ARHGEF7: variants seen among roughly 807,000 people sequenced by gnomAD.
ARHGEF7 encodes the protein Rho guanine nucleotide exchange factor 7, also known as PAK-interacting exchange factor beta.
Under a neutral mutation model 109.8 loss-of-function variants are expected in ARHGEF7, and 33 were observed. That is an observed-to-expected ratio of 0.30 (90% CI 0.23 to 0.40). ARHGEF7 has a LOEUF of 0.40. Among genes scored for constraint, ARHGEF7 ranks in the 10% least tolerant of loss-of-function variants. The pLI is 1.00. For missense variants in ARHGEF7, 938 were observed against 1,098.5 expected (o/e 0.85, Z 2.07); for synonymous variants, 458 against 424.6 (o/e 1.08, Z -0.97).
chr13:111,264,841 G>T (rs776426228), intron 8 of ARHGEF7, among the ~76,000 whole-genome samples: 1 of 152,106 alleles, frequency 6.6e-6, no homozygotes, highest in Non-Finnish European at 1.5e-5. Flanking sequence ...CATTTCTATT[G>T]TCTGTATTAT....
chr13:111,159,052 C>A, intron 2 of ARHGEF7: 1 of 718,542 alleles, frequency 1.4e-6, no homozygotes, highest in East Asian at 2.7e-5. Flanking sequence ...TCCCAGCCTC[C>A]TCAGCATCTG....
intron 13 of ARHGEF7, 145 bp from the exon 14 acceptor site, chr13:111,280,127 C>A: frequency 1.3e-6 from 1 of 753,252 alleles, no homozygotes; most frequent in Non-Finnish European, 2.1e-6. Context: ...ATTATACACA[C>A]ATCTGCTACA....
intron 18 of ARHGEF7, among the ~76,000 whole-genome samples, chr13:111,290,612 C>T (rs778001993): frequency 6.6e-6 from 1 of 152,262 alleles, no homozygotes; most frequent in Non-Finnish European, 1.5e-5. Context: ...TGATACGCTG[C>T]GGCTTCACGG....
rs745692209 is a variant in ARHGEF7, at chr13:111,283,205, G to T, written c.1792G>T (p.Ala598Ser). The change falls in exon 16 of 22, where the codon GCC becomes TCC. Residue 598 changes from alanine (A) to serine (S), a missense_variant. Ala to Ser is a moderately conservative substitution (Grantham distance 99). Transcript: ENST00000646102. Reference sequence around the variant, plus strand: ...CAGCAAGCCCGCGCCGCTGACGCCCGCCTACCACACGCTGCCCCACCCCTC... The same window carrying T: ...CAGCAAGCCCGCGCCGCTGACGCCCTCCTACCACACGCTGCCCCACCCCTC... Reference protein sequence around the residue: ...ADSKPAPLTPAYHTLPHPSHH... With the variant: ...ADSKPAPLTPSYHTLPHPSHH... 8 of 1,596,898 alleles carry T rather than the reference G, an allele frequency of 5.0e-6. No individual in the cohort carries two copies. The Admixed American group carries it at 1.0e-4, about 21-fold the overall frequency.
chr13:111,189,331 T>C (rs971416623), intron 2 of ARHGEF7, among the ~76,000 whole-genome samples: 13 of 152,198 alleles, frequency 8.5e-5, no homozygotes, highest in African/African-American at 3.1e-4. Context: ...AGTTTGTTCC[T>C]TCAGATGTTC....
At chr13:111,154,897 C>T (rs1324145019) in intron 2 of ARHGEF7, among the ~76,000 whole-genome samples, 1 of 151,942 alleles carries the variant, frequency 6.6e-6, no homozygotes, top group East Asian at 1.9e-4. Context: ...CTGAGATGGG[C>T]AATATCAAGC....
chr13:111,285,179 G>T (rs1258212314), intron 16 of ARHGEF7, among the ~76,000 whole-genome samples: 1 of 152,126 alleles, frequency 6.6e-6, no homozygotes, highest in African/African-American at 2.4e-5. Flanking sequence ...ATCACCTTCC[G>T]CCTTTTGGAG....
At chr13:111,243,014 C>G (rs1050819928) in intron 6 of ARHGEF7, among the ~76,000 whole-genome samples, 5 of 152,170 alleles carry the variant, frequency 3.3e-5, no homozygotes, top group Non-Finnish European at 5.9e-5. Context: ...ATTTGCTACA[C>G]TAGTACAGGG....
chr13:111,201,396 G>A (rs2081198039), intron 2 of ARHGEF7, among the ~76,000 whole-genome samples: 1 of 152,158 alleles, frequency 6.6e-6, no homozygotes, highest in African/African-American at 2.4e-5. Context: ...CAAGAGAAAC[G>A]AGGTCCAGTA....
chr13:111,220,415 A>G (rs1237645815), intron 5 of ARHGEF7, among the ~76,000 whole-genome samples: 3 of 152,212 alleles, frequency 2.0e-5, no homozygotes, highest in East Asian at 1.9e-4. Context: ...GAACCACCAC[A>G]GTAAGAGTGC....
intron 2 of ARHGEF7, among the ~76,000 whole-genome samples, chr13:111,190,343 C>T (rs989983932): frequency 1.3e-5 from 2 of 152,154 alleles, no homozygotes; most frequent in African/African-American, 4.8e-5. Flanking sequence ...AAGCCTTTTC[C>T]CGTAAACACC....
chr13:111,277,539 A>T, intron 12 of ARHGEF7, 48 bp from the exon 13 acceptor site: 1 of 1,164,546 alleles, frequency 8.6e-7, no homozygotes, highest in Non-Finnish European at 1.3e-6. Context: ...CACATTTGTT[A>T]AGTAGATGTT....
chr13:111,240,842 C>G (rs1566933376), intron 6 of ARHGEF7, among the ~76,000 whole-genome samples: 1 of 151,524 alleles, frequency 6.6e-6, no homozygotes, highest in Non-Finnish European at 1.5e-5. Context: ...ACAGATGAAA[C>G]AAAAAAAATT....
chr13:111,147,629 A>G (rs1049007903), intron 1 of ARHGEF7, among the ~76,000 whole-genome samples: 2 of 151,804 alleles, frequency 1.3e-5, no homozygotes, highest in Admixed American at 1.3e-4. Context: ...GGACTGCCAA[A>G]ATGGCACACC....
intron 8 of ARHGEF7, among the ~76,000 whole-genome samples, chr13:111,257,767 C>T (rs1186028023): frequency 6.6e-6 from 1 of 152,226 alleles, no homozygotes; most frequent in Admixed American, 6.5e-5. Context: ...AAAACCTGTG[C>T]ACTTCGGAGA....
intron 2 of ARHGEF7, among the ~76,000 whole-genome samples, chr13:111,166,439 G>A (rs1009412276): frequency 2.6e-5 from 4 of 152,186 alleles, no homozygotes. Context: ...TGTGTTTTGA[G>A]TATAGACTGA....
chr13:111,115,563 A>C lies in ARHGEF7; in HGVS notation c.37A>C (p.Thr13Pro). The change falls in exon 1 of 22, where the codon ACT becomes CCT. Residue 13 changes from threonine (T) to proline (P), a missense_variant. This residue lies in a region of ARHGEF7 where 165 missense variants were observed against 125.8 expected (regional missense o/e 1.31). Transcript: ENST00000646102. ...CGAGCAAACCGTTACGTGGCTCATC[A>C]CTCTGGGGGTGCTGGAGTCGCCCAA... Reference protein sequence around the residue: ...SAEQTVTWLITLGVLESPKKT... With the variant: ...SAEQTVTWLIPLGVLESPKKT... The C allele has an allele frequency of 1.4e-6, 2 of 1,417,572 alleles. No homozygotes were observed. Among genetic ancestry groups the C allele is most frequent in the Non-Finnish European group, 1.9e-6 (2 of 1,068,486 alleles). 87.8% of individuals were successfully genotyped at this position (1,417,572 alleles called of 1,614,324 possible).
intron 8 of ARHGEF7, among the ~76,000 whole-genome samples, chr13:111,245,085 G>A (rs952683181): frequency 6.6e-6 from 1 of 152,206 alleles, no homozygotes; most frequent in African/African-American, 2.4e-5. Context: ...GTGCGGTCAG[G>A]CGCTGTTGTG....
chr13:111,260,193 T>G (rs897442565), intron 8 of ARHGEF7, among the ~76,000 whole-genome samples: 1 of 152,230 alleles, frequency 6.6e-6, no homozygotes, highest in African/African-American at 2.4e-5. Flanking sequence ...GTAGAAAGTT[T>G]ATTCAAAGAG....
Sources: gnomAD v4.1 joint callset for allele counts (sites outside exome capture counted in the v4.1 genomes callset) on GRCh38, gnomAD v4.1.1 for gene constraint, gnomAD v4.1.1 regional missense constraint, MANE v1.5 for transcripts, NCBI Gene and HGNC (gene_info 2026-07-23, HGNC 2026-07-21) for gene names.